The following ZBTB20 variants were observed in gnomAD, a reference collection of about 807,000 sequenced individuals.
The protein encoded by ZBTB20 is zinc finger and BTB domain-containing protein 20.
In ZBTB20, 9 loss-of-function variants were observed where a neutral mutation model predicts 56.9. The observed-to-expected ratio is 0.16, with a 90% CI of 0.10 to 0.28. The LOEUF (loss-of-function observed/expected upper bound fraction) is 0.28, where lower values mean the gene tolerates loss of function less well. Among genes scored for constraint, ZBTB20 ranks in the 10% least tolerant of loss-of-function variants. The pLI is 1.00. For missense variants in ZBTB20, 655 were observed against 1,003.0 expected, an observed-to-expected ratio of 0.65 and a Z score of 4.69; for synonymous variants, 417 against 420.7, an observed-to-expected ratio of 0.99 and a Z score of 0.11.
chr3:114,951,579 C>T (rs185757562), intron 3 of ZBTB20, among the ~76,000 whole-genome samples: 4 of 152,020 alleles, frequency 2.6e-5, no homozygotes, highest in South Asian at 2.1e-4. Flanking sequence ...TGAAAAGCAC[C>T]GTAAGCAAAA....
intron 6 of ZBTB20, among the ~76,000 whole-genome samples, chr3:114,549,940 T>C (rs2050355871): frequency 6.6e-6 from 1 of 152,080 alleles, no homozygotes; most frequent in South Asian, 2.1e-4. Context: ...CTATATAACT[T>C]CTTTTTTATT....
At chr3:114,879,613 A>T (rs1315614679) in intron 4 of ZBTB20, among the ~76,000 whole-genome samples, 1 of 152,196 alleles carries the variant, frequency 6.6e-6, no homozygotes. Context: ...CTGTTCTTTC[A>T]GAGATTGTCA....
intron 6 of ZBTB20, among the ~76,000 whole-genome samples, chr3:114,584,795 C>T (rs1036244570): frequency 6.6e-6 from 1 of 152,096 alleles, no homozygotes; most frequent in African/African-American, 2.4e-5. Context: ...GGGGCACCAG[C>T]CAGAAAATAA....
At chr3:115,145,567 G>GA in intron 1 of ZBTB20, among the ~76,000 whole-genome samples, 1 of 152,110 alleles carries the variant, frequency 6.6e-6, no homozygotes, top group Non-Finnish European at 1.5e-5. Context: ...ATTGTGGCAA[G>GA]AAAAAAACTA....
intron 2 of ZBTB20, among the ~76,000 whole-genome samples, chr3:114,978,561 T>A (rs1457681948): frequency 6.6e-6 from 1 of 151,490 alleles, no homozygotes; most frequent in African/African-American, 2.4e-5. Flanking sequence ...GTAATAATGA[T>A]AACATACCAT....
At chr3:114,612,039 C>G (rs546593275) in intron 6 of ZBTB20, among the ~76,000 whole-genome samples, 1 of 152,122 alleles carries the variant, frequency 6.6e-6, no homozygotes, top group African/African-American at 2.4e-5. Context: ...CTGTATACAC[C>G]AACTTTATTT....
At chr3:115,135,102 T>C in intron 1 of ZBTB20, among the ~76,000 whole-genome samples, 1 of 152,216 alleles carries the variant, frequency 6.6e-6, no homozygotes, top group East Asian at 1.9e-4. Context: ...GTCTATTGCT[T>C]TCTCATATTT....
intron 4 of ZBTB20, among the ~76,000 whole-genome samples, chr3:114,863,292 T>C (rs1176052465): frequency 6.6e-6 from 1 of 152,150 alleles, no homozygotes; most frequent in South Asian, 2.1e-4. Context: ...AGTTCTGAAA[T>C]GTCTGAGTTA....
chr3:114,318,659 G>A lies in ZBTB20; in HGVS notation c.*20346C>T, dbSNP rs556615488. 2 of 152,184 alleles carry A rather than the reference G, an allele frequency of 1.3e-5. No homozygotes were observed. Among genetic ancestry groups the A allele is most frequent in the Non-Finnish European group, 2.9e-5 (2 of 68,038 alleles). 9.4% of individuals were successfully genotyped at this position (152,184 alleles called of 1,614,324 possible). A position where few individuals can be genotyped will look rare whatever the true frequency, so the allele number is the denominator to read the frequency against. On this transcript the variant is annotated 3_prime_UTR_variant, in exon 12 of 12. Coordinates refer to ENST00000675478, the MANE Select transcript of ZBTB20 (RefSeq NM_001348800.3). ...GAAGGCAATGATTTGAGATAGAGAG[G>A]CAGAGCCCGGCTGTGTCATACAAAA...
chr3:114,615,684 G>GT (rs1177294043), intron 6 of ZBTB20, among the ~76,000 whole-genome samples: 6 of 152,292 alleles, frequency 3.9e-5, no homozygotes, highest in South Asian at 2.1e-4. Context: ...AGCTGCAAAC[G>GT]TGACAGATAC....
At position 114,541,365 on chromosome 3, in the gene ZBTB20, T is replaced by A. The variant is rs114801647; in HGVS notation, c.-294-40974A>T. ...TCCTCCAATGGTTTTCTACAATATA[T>A]GTTTCATTTAAATGTGTGTGTTGTA... On this transcript the variant is annotated intron_variant, in intron 6 of 11. Transcript: ENST00000675478. Among the ~76,000 whole-genome samples the A allele has an allele frequency of 1.5e-3, 230 of 152,280 alleles. 1 individual carries two copies. The highest frequency in any genetic ancestry group is 5.4e-3 in the African/African-American group (223 of 41,578).
chr3:114,768,452 A>G (rs2068939112), intron 5 of ZBTB20, among the ~76,000 whole-genome samples: 1 of 152,082 alleles, frequency 6.6e-6, no homozygotes, highest in Admixed American at 6.6e-5. Flanking sequence ...AATACTTACA[A>G]TAACATTGAA....
At chr3:114,854,760 T>G (rs1348645876) in intron 4 of ZBTB20, among the ~76,000 whole-genome samples, 2 of 152,194 alleles carry the variant, frequency 1.3e-5, no homozygotes, top group Non-Finnish European at 2.9e-5. Flanking sequence ...AAAAGTATAT[T>G]TTGCTTATTT....
chr3:114,979,025 AG>A (rs1482791041), intron 2 of ZBTB20, among the ~76,000 whole-genome samples: 1 of 151,954 alleles, frequency 6.6e-6, no homozygotes, highest in Non-Finnish European at 1.5e-5. Context: ...GAGAAAGGGC[AG>A]GTATCGTGAG....
chr3:114,737,245 A>G (rs920828605), intron 5 of ZBTB20, among the ~76,000 whole-genome samples: 4 of 152,192 alleles, frequency 2.6e-5, no homozygotes, highest in Non-Finnish European at 4.4e-5. Flanking sequence ...TTTAATGTAG[A>G]GAAACATTTT....
chr3:114,607,293 C>T (rs570357164), intron 6 of ZBTB20, among the ~76,000 whole-genome samples: 2 of 130,906 alleles, frequency 1.5e-5, no homozygotes, highest in Non-Finnish European at 3.2e-5. Context: ...AAGCATAAAA[C>T]TGTTCATTCA....
At chr3:114,836,795 C>T (rs1466060439) in intron 4 of ZBTB20, among the ~76,000 whole-genome samples, 1 of 152,150 alleles carries the variant, frequency 6.6e-6, no homozygotes, top group Admixed American at 6.5e-5. Flanking sequence ...CACTGTTGCA[C>T]CTTATAATCC....
chr3:114,476,037 T>C (rs1460877137), intron 7 of ZBTB20, among the ~76,000 whole-genome samples: 2 of 152,126 alleles, frequency 1.3e-5, no homozygotes, highest in Non-Finnish European at 2.9e-5. Context: ...TTAGAAAATA[T>C]AGGAGAGTAA....
chr3:114,753,173 TA>T (rs1225090865), intron 5 of ZBTB20, among the ~76,000 whole-genome samples: 1 of 150,800 alleles, frequency 6.6e-6, no homozygotes, highest in African/African-American at 2.4e-5. Context: ...TAATTAGAAG[TA>T]ATGGGGAACA....
Sources: allele counts gnomAD v4.1 joint callset (sites outside exome capture counted in the v4.1 genomes callset), GRCh38; gene constraint gnomAD v4.1.1; transcripts MANE v1.5; gene names NCBI Gene and HGNC (gene_info 2026-07-23, HGNC 2026-07-21).